Variants in NEIL3 observed in about 807,000 individuals in gnomAD.
NEIL3 encodes the protein endonuclease 8-like 3.
NEIL3 carries 48 observed loss-of-function variants against 57.5 expected under a neutral mutation model. That is an observed-to-expected ratio of 0.83 (90% CI 0.66 to 1.06). The LOEUF is 1.06. Ranked by LOEUF, NEIL3 falls within the 50% of genes least tolerant of loss-of-function variation. The pLI, the probability that NEIL3 is intolerant of heterozygous loss-of-function variation, is 0.00. For missense variants in NEIL3, 717 were observed against 739.1 expected, an observed-to-expected ratio of 0.97 and a Z score of 0.35; for synonymous variants, 261 against 253.2, an observed-to-expected ratio of 1.03 and a Z score of -0.29.
chr4:177,340,405 A>C (rs35751869), intron 5 of NEIL3, among the ~76,000 whole-genome samples: 23 of 152,366 alleles, frequency 1.5e-4, no homozygotes, highest in Admixed American at 1.1e-3. Context: ...TACTATATGC[A>C]TATATAGAAT....
intron 1 of NEIL3, among the ~76,000 whole-genome samples, chr4:177,315,060 C>T: frequency 8.3e-6 from 1 of 119,924 alleles, no homozygotes. Flanking sequence ...CAGAGCGAGA[C>T]TCCGTCTCAA....
At chr4:177,349,762 A>G (rs2048073) in intron 6 of NEIL3, among the ~76,000 whole-genome samples, 120,474 of 152,116 alleles carry the variant, frequency 0.79, 48,101 homozygotes, top group Middle Eastern at 0.83. Context: ...AGAGCAGTAA[A>G]GAAAGGAAAG....
intron 6 of NEIL3, among the ~76,000 whole-genome samples, chr4:177,342,618 C>G (rs1655581787): frequency 6.6e-6 from 1 of 151,660 alleles, no homozygotes; most frequent in Admixed American, 6.6e-5. Context: ...AGTGGAGCTC[C>G]TTGTTCCACT....
intron 2 of NEIL3, among the ~76,000 whole-genome samples, chr4:177,329,083 C>A (rs1734834776): frequency 6.6e-6 from 1 of 151,710 alleles, no homozygotes; most frequent in Non-Finnish European, 1.5e-5. Context: ...ATTATAAAAC[C>A]TAGAGCAACT....
the NEIL3 span, among the ~76,000 whole-genome samples, chr4:177,368,144 T>G: frequency 6.6e-6 from 1 of 152,172 alleles, no homozygotes; most frequent in Non-Finnish European, 1.5e-5. Flanking sequence ...GTCATCTATG[T>G]AGGAAAAATA....
rs772430290 is a variant in NEIL3 at position 177,341,579 on chromosome 4, AT to A, written c.807del (p.Asn269LysfsTer4). 2.5e-6 allele frequency: 4 copies of A among 1,613,834 alleles called. No individual in the cohort carries two copies. The highest frequency in any genetic ancestry group is 3.4e-6 in the Non-Finnish European group (4 of 1,179,948). ...CRITVCRFGD[N>X]NRMTYFCPHC... ...ATAACTGTGTGCCGCTTTGGGGACA[AT>A]AACAGAATGACATATTTCTGTCCTC... On this transcript the variant is annotated frameshift_variant, in exon 6 of 10. Coordinates refer to ENST00000264596, the MANE Select transcript of NEIL3 (RefSeq NM_018248.3). LOFTEE classifies it high-confidence loss of function.
At chr4:177,318,293 T>C (rs1401117495) in intron 1 of NEIL3, among the ~76,000 whole-genome samples, 1 of 152,206 alleles carries the variant, frequency 6.6e-6, no homozygotes, top group Non-Finnish European at 1.5e-5. Flanking sequence ...ACCCTTACTT[T>C]TGTCAGTTTT....
chr4:177,328,418 A>G (rs1331377558), intron 2 of NEIL3, among the ~76,000 whole-genome samples: 2 of 152,214 alleles, frequency 1.3e-5, no homozygotes, highest in African/African-American at 2.4e-5. Context: ...GCTAAAAACC[A>G]AAGATGAAGA....
Position 177,336,277 on chromosome 4 carries a change from A to G in NEIL3, c.583A>G (p.Lys195Glu). 1 of 1,614,206 alleles carries G rather than the reference A, an allele frequency of 6.2e-7. No homozygotes were observed. The highest frequency in any genetic ancestry group is 8.5e-7 in the Non-Finnish European group (1 of 1,180,018). Residue 195 changes from lysine (K) to glutamate (E), a missense_variant, in exon 4 of 10, where the codon AAA (lysine) becomes GAA (glutamate). Physicochemically the swap from Lys to Glu is moderately conservative, Grantham distance 56. Transcript: ENST00000264596. ...ATTGCCTGGAGTAGGGAACATCATC[A>G]AAAATGAAGCTCTCTTTGACAGTGG... is the stretch of plus-strand genomic sequence containing the variant. ...NVLPGVGNIIKNEALFDSGLH... is the reference protein window; with the variant it reads ...NVLPGVGNIIENEALFDSGLH...
chr4:177,333,635 T>C (rs1184916594), intron 2 of NEIL3, among the ~76,000 whole-genome samples: 2 of 152,194 alleles, frequency 1.3e-5, no homozygotes, highest in Non-Finnish European at 2.9e-5. Context: ...ACTCTGCTCC[T>C]CACTGAAATC....
chr4:177,347,493 G>A (rs745675427), intron 6 of NEIL3, among the ~76,000 whole-genome samples: 15 of 152,136 alleles, frequency 9.9e-5, no homozygotes, highest in Non-Finnish European at 1.8e-4. Flanking sequence ...TTTTGAGCTG[G>A]GAAGCCACTG....
chr4:177,360,269 T>C (rs1735581016), intron 8 of NEIL3, among the ~76,000 whole-genome samples: 1 of 152,230 alleles, frequency 6.6e-6, no homozygotes, highest in Admixed American at 6.5e-5. Flanking sequence ...CTTTTGTTCT[T>C]TAGAAAGTTA....
rs539125680 is a variant in NEIL3 at position 177,342,236 on chromosome 4, A to G, written c.869+594A>G. Among the ~76,000 whole-genome samples the G allele has an allele frequency of 7.7e-4, 118 of 152,318 alleles. 3 individuals carry two copies. The South Asian group carries it at 0.024, about 32-fold the overall frequency. ...TCACAGTGATATTTTTGTCTCCTGGAATTAGTGTCAGTTCAGAGCCAGTGT... is the reference window on the plus strand; with the variant it reads ...TCACAGTGATATTTTTGTCTCCTGGGATTAGTGTCAGTTCAGAGCCAGTGT... On this transcript the variant is annotated intron_variant, in intron 6 of 9. Transcript: ENST00000264596.
chr4:177,351,279 A>G, intron 6 of NEIL3, 101 bp from the exon 7 acceptor site: 1 of 583,244 alleles, frequency 1.7e-6, no homozygotes, highest in Non-Finnish European at 2.9e-6. Flanking sequence ...AATAATAAAG[A>G]GATAGCATTG....
downstream of NEIL3, among the ~76,000 whole-genome samples, chr4:177,363,673 A>G (rs1258287367): frequency 6.6e-6 from 1 of 152,248 alleles, no homozygotes; most frequent in Non-Finnish European, 1.5e-5. Flanking sequence ...AATTACACGG[A>G]AATGTAAGTA....
chr4:177,336,250 G>T lies in NEIL3; in HGVS notation c.556G>T (p.Val186Leu). 6.2e-7 allele frequency: 1 copy of T among 1,614,190 alleles called. No homozygotes were observed. Among genetic ancestry groups the T allele is most frequent in the Non-Finnish European group, 8.5e-7 (1 of 1,180,010 alleles). The change falls in exon 4 of 10, where the codon GTA becomes TTA. Residue 186 changes from valine (V) to leucine (L), a missense_variant. Transcript: ENST00000264596. The part of the protein sequence containing the change: ...MLGDVLMDQN[V>L]LPGVGNIIKN... ...AGGTGATGTGCTAATGGATCAGAAC[G>T]TATTGCCTGGAGTAGGGAACATCAT...
At chr4:177,326,527 A>G (rs1234073787) in intron 2 of NEIL3, among the ~76,000 whole-genome samples, 1 of 150,674 alleles carries the variant, frequency 6.6e-6, no homozygotes, top group African/African-American at 2.4e-5. Context: ...TTTTTTTTCA[A>G]AATTGTTTTT....
intron 5 of NEIL3, among the ~76,000 whole-genome samples, chr4:177,341,035 G>C (rs1735080612): frequency 6.6e-6 from 1 of 151,940 alleles, no homozygotes; most frequent in Admixed American, 6.6e-5. Flanking sequence ...TTGTCCCCTA[G>C]AATTAAGTTT....
At chr4:177,345,445 T>C (rs969776476) in intron 6 of NEIL3, among the ~76,000 whole-genome samples, 18 of 145,824 alleles carry the variant, frequency 1.2e-4, no homozygotes, top group Admixed American at 1.1e-3. Flanking sequence ...GAGAATTTAG[T>C]GCTGTCTGCA....
Sources: allele counts gnomAD v4.1 joint callset (sites outside exome capture counted in the v4.1 genomes callset), GRCh38; gene constraint gnomAD v4.1.1; transcripts MANE v1.5; gene names NCBI Gene and HGNC (gene_info 2026-07-23, HGNC 2026-07-21).